The following PCDH15 variants were observed in gnomAD, a reference collection of about 807,000 sequenced individuals.
PCDH15 encodes protocadherin related 15.
In PCDH15, 129 loss-of-function variants were observed where a neutral mutation model predicts 178.5. That is an observed-to-expected ratio of 0.72 (90% CI 0.63 to 0.84). The LOEUF (loss-of-function observed/expected upper bound fraction) is 0.84. PCDH15 is among the 40% of genes least tolerant of loss of function. The pLI is 0.00. For synonymous variants in PCDH15, 800 were observed against 732.0 expected, an observed-to-expected ratio of 1.09 and a Z score of -1.50; for missense variants, 2,230 against 2,099.9, an observed-to-expected ratio of 1.06 and a Z score of -1.21.
Position 53,974,475 on chromosome 10 carries a change from T to C in PCDH15, c.2869-12583A>G, listed in dbSNP as rs866325096. ...GAAATTTAAAAATTGTCTAAAATAT[T>C]AGAAATTAAAAATTTTATAAACTAC... On this transcript the variant is annotated intron_variant, in intron 21 of 37. Transcript: ENST00000644397. Among the ~76,000 whole-genome samples, 10 of 152,258 alleles carry C rather than the reference T, an allele frequency of 6.6e-5. No individual in the cohort carries two copies. In the South Asian group the frequency reaches 1.7e-3, roughly 25 times the overall value.
At chr10:54,712,528 A>G (rs1029909854) in intron 1 of PCDH15, among the ~76,000 whole-genome samples, 1 of 151,998 alleles carries the variant, frequency 6.6e-6, no homozygotes, top group Admixed American at 6.6e-5. Context: ...TCTCATATTT[A>G]TAGCAGAGGT....
At chr10:54,374,841 T>A (rs1395163072) in intron 4 of PCDH15, among the ~76,000 whole-genome samples, 1 of 152,034 alleles carries the variant, frequency 6.6e-6, no homozygotes, top group African/African-American at 2.4e-5. Flanking sequence ...ATCTGAGCGT[T>A]GGGTATTTTT....
chr10:54,574,212 A>AG (rs1179031041), intron 2 of PCDH15, among the ~76,000 whole-genome samples: 1 of 151,410 alleles, frequency 6.6e-6, no homozygotes, highest in Non-Finnish European at 1.5e-5. Context: ...ATAAGGTGTA[A>AG]GGAAGGGATC....
chr10:54,201,786 TTAA>T (rs1249102971), intron 10 of PCDH15, among the ~76,000 whole-genome samples: 2 of 152,194 alleles, frequency 1.3e-5, no homozygotes, highest in Admixed American at 6.5e-5. Context: ...TGGAAATTAA[TTAA>T]TGTGAATGTA....
rs78533786 is a variant in PCDH15 at position 55,217,609 on chromosome 10, A to G, written c.-155-50958T>C. The stretch of plus-strand genomic sequence containing the variant: ...GCTATTATTGATCAAGGGACATTAT[A>G]TTCATAATGCTGAATCATAATAGAA... On this transcript the variant is annotated intron_variant, in intron 1 of 5. Coordinates refer to the PCDH15 transcript ENST00000458638. Among the ~76,000 whole-genome samples, 1,255 of 152,062 alleles carry G rather than the reference A, an allele frequency of 8.3e-3. 27 individuals carry two copies. The highest frequency in any genetic ancestry group is 0.029 in the African/African-American group (1,185 of 41,476).
chr10:53,958,498 T>C (rs1184333781), intron 23 of PCDH15, among the ~76,000 whole-genome samples: 3 of 152,162 alleles, frequency 2.0e-5, no homozygotes, highest in Non-Finnish European at 4.4e-5. Context: ...GTTCTCACAG[T>C]GTATTATATT....
chr10:54,873,786 T>C (rs917377863), intron 3 of PCDH15, among the ~76,000 whole-genome samples: 12 of 147,926 alleles, frequency 8.1e-5, no homozygotes, highest in Non-Finnish European at 1.6e-4. Flanking sequence ...TGTGTGTGTG[T>C]ATATATATAT....
intron 37 of PCDH15, chr10:53,808,948 C>A: frequency 6.4e-7 from 1 of 1,559,136 alleles, no homozygotes; most frequent in Non-Finnish European, 8.7e-7. Context: ...GGCTGGTCCA[C>A]TTTCTTCTTC....
chr10:54,846,490 T>G (rs1400636642), intron 3 of PCDH15, among the ~76,000 whole-genome samples: 2 of 152,144 alleles, frequency 1.3e-5, no homozygotes, highest in Admixed American at 6.6e-5. Context: ...GAAGGTTTTT[T>G]GAGGGAGGTA....
At chr10:55,386,065 CCAT>C (rs1837652172) in intron 2 of PCDH15, among the ~76,000 whole-genome samples, 1 of 151,442 alleles carries the variant, frequency 6.6e-6, no homozygotes, top group African/African-American at 2.4e-5. Flanking sequence ...GTTTCTAGCA[CCAT>C]AAGTCAAATA....
chr10:54,974,451 C>A (rs1839016448), intron 2 of PCDH15, among the ~76,000 whole-genome samples: 1 of 151,226 alleles, frequency 6.6e-6, no homozygotes, highest in East Asian at 1.9e-4. Flanking sequence ...ATATTAATGG[C>A]AAATAATTCA....
intron 2 of PCDH15, among the ~76,000 whole-genome samples, chr10:55,050,551 G>T (rs1417910304): frequency 6.6e-6 from 1 of 151,868 alleles, no homozygotes; most frequent in Non-Finnish European, 1.5e-5. Context: ...AACATTCTTT[G>T]TGATACATTT....
At chr10:55,039,464 A>T (rs1453174609) in intron 2 of PCDH15, among the ~76,000 whole-genome samples, 1 of 152,116 alleles carries the variant, frequency 6.6e-6, no homozygotes, top group African/African-American at 2.4e-5. Context: ...TAAAAAGGAG[A>T]GTGGTGAGAA....
Position 55,010,421 on chromosome 10 carries a change from C to T in PCDH15, c.-79-112921G>A, listed in dbSNP as rs1002785375. On this transcript the variant is annotated intron_variant, in intron 2 of 5. Coordinates refer to the PCDH15 transcript ENST00000458638. ...ATAGAGAAGCCCATCAATAAATTAA[C>T]GAGATAAATTCATTTAGAATAAGTG... is the stretch of plus-strand genomic sequence containing the variant. 3.6e-4 allele frequency among the ~76,000 whole-genome samples: 54 copies of T among 151,974 alleles called. 3 individuals carry two copies. Among genetic ancestry groups the T allele is most frequent in the East Asian group, 5.8e-4 (3 of 5,186 alleles).
intron 3 of PCDH15, among the ~76,000 whole-genome samples, chr10:54,381,290 A>T (rs1401139568): frequency 6.6e-6 from 1 of 152,116 alleles, no homozygotes; most frequent in Non-Finnish European, 1.5e-5. Context: ...GCATTAAGCC[A>T]GAAACTCCTG....
intron 2 of PCDH15, among the ~76,000 whole-genome samples, chr10:55,005,658 T>C (rs1479025029): frequency 6.6e-6 from 1 of 152,110 alleles, no homozygotes; most frequent in African/African-American, 2.4e-5. Context: ...TATTCTTCTG[T>C]AAGTTCATTT....
intron 2 of PCDH15, among the ~76,000 whole-genome samples, chr10:55,095,969 C>G (rs886519220): frequency 2.0e-5 from 3 of 151,970 alleles, no homozygotes; most frequent in African/African-American, 7.3e-5. Context: ...GGATCATGTA[C>G]AAATCCATTG....
chr10:54,515,924 G>T (rs1232797875), intron 3 of PCDH15, among the ~76,000 whole-genome samples: 1 of 152,210 alleles, frequency 6.6e-6, no homozygotes, highest in Non-Finnish European at 1.5e-5. Flanking sequence ...CAACAGACCT[G>T]CAGCTGAGGG....
intron 3 of PCDH15, among the ~76,000 whole-genome samples, chr10:54,853,450 T>TACACATATATATAC: frequency 7.9e-6 from 1 of 126,700 alleles, no homozygotes; most frequent in South Asian, 2.6e-4. Context: ...CATATATATA[T>TACACATATATATAC]ATACACATAC....
Sources: allele counts gnomAD v4.1 joint callset (sites outside exome capture counted in the v4.1 genomes callset), GRCh38; gene constraint gnomAD v4.1.1; transcripts MANE v1.5; gene names NCBI Gene and HGNC (gene_info 2026-07-23, HGNC 2026-07-21).